Variants in SND1 observed in about 807,000 individuals in gnomAD.
SND1 encodes staphylococcal nuclease domain-containing protein 1.
Under a neutral mutation model 121.7 loss-of-function variants are expected in SND1, and 38 were observed. The observed-to-expected ratio is 0.31, with a 90% CI of 0.24 to 0.41. SND1 has a LOEUF of 0.41. Among genes scored for constraint, SND1 ranks in the 10% least tolerant of loss-of-function variants. The pLI, the probability that SND1 is intolerant of heterozygous loss-of-function variation, is 1.00. For synonymous variants in SND1, 401 were observed against 447.4 expected (o/e 0.90, Z 1.31); for missense variants, 868 against 1,184.6 (o/e 0.73, Z 3.92).
At chr7:128,086,852 C>T (rs994368688) in intron 20 of SND1, 86 bp from the exon 21 acceptor site, 7 of 1,129,052 alleles carry the variant, frequency 6.2e-6, no homozygotes, top group African/African-American at 6.1e-5. Context: ...TTAGCATTCC[C>T]AGAGGCCTGG....
intron 16 of SND1, among the ~76,000 whole-genome samples, chr7:128,035,737 A>G (rs944431511): frequency 2.0e-5 from 3 of 152,234 alleles, no homozygotes; most frequent in Non-Finnish European, 2.9e-5. Context: ...AGAGTCTTCA[A>G]TAGCACCAGT....
At chr7:127,705,627 ATGTAGATGTAGG>A (rs1796177325) in intron 8 of SND1, among the ~76,000 whole-genome samples, 1 of 131,460 alleles carries the variant, frequency 7.6e-6, no homozygotes, top group Non-Finnish European at 1.7e-5. Context: ...GTAGATGTAG[ATGTAGATGTAGG>A]TGAACTTTCT....
At chr7:127,797,163 G>C (rs758341124) in intron 10 of SND1, among the ~76,000 whole-genome samples, 11 of 152,208 alleles carry the variant, frequency 7.2e-5, no homozygotes, top group Non-Finnish European at 1.2e-4. Context: ...ACAGTGCTGG[G>C]ATTACAGGTG....
intron 16 of SND1, among the ~76,000 whole-genome samples, chr7:127,994,725 T>C (rs1469007687): frequency 1.3e-5 from 2 of 152,132 alleles, no homozygotes; most frequent in Admixed American, 1.3e-4. Context: ...GTTGTTTGAT[T>C]GTTTGAAACG....
intron 16 of SND1, among the ~76,000 whole-genome samples, chr7:128,016,741 G>C (rs1803233189): frequency 6.6e-6 from 1 of 152,162 alleles, no homozygotes; most frequent in South Asian, 2.1e-4. Flanking sequence ...CTTCCTAACT[G>C]CCCCTACCCT....
Position 128,091,982 on chromosome 7 carries a change from T to G in SND1, c.2668-11T>G. 6.2e-7 allele frequency: 1 copy of G among 1,614,196 alleles called. No individual in the cohort carries two copies. Among genetic ancestry groups the G allele is most frequent in the African/African-American group, 1.3e-5 (1 of 75,048 alleles). ...TATCCCTGAAGAGCTATTGTCTGTTTTTTCTTACAGCTGAACCTGTGGCGC... is the reference window on the plus strand; with the variant it reads ...TATCCCTGAAGAGCTATTGTCTGTTGTTTCTTACAGCTGAACCTGTGGCGC... On this transcript the variant is annotated splice_polypyrimidine_tract_variant and intron_variant, in intron 23 of 23. Transcript: ENST00000354725.
chr7:127,962,670 C>G (rs934210674), intron 15 of SND1, among the ~76,000 whole-genome samples: 99 of 152,178 alleles, frequency 6.5e-4, no homozygotes, highest in Non-Finnish European at 2.8e-4. Context: ...ATTCTCCATC[C>G]CCACTCTGCA....
chr7:127,778,333 C>T (rs1184327688), intron 10 of SND1, among the ~76,000 whole-genome samples: 2 of 151,940 alleles, frequency 1.3e-5, no homozygotes, highest in African/African-American at 2.4e-5. Context: ...TAGCTGGGAG[C>T]ACTACAGGCG....
At chr7:127,924,712 C>T (rs1358093440) in intron 14 of SND1, among the ~76,000 whole-genome samples, 3 of 152,106 alleles carry the variant, frequency 2.0e-5, no homozygotes, top group African/African-American at 7.2e-5. Flanking sequence ...CTCCCACCTA[C>T]CCACCCAAAT....
intron 10 of SND1, among the ~76,000 whole-genome samples, chr7:127,766,637 T>C (rs927748419): frequency 1.3e-5 from 2 of 151,486 alleles, no homozygotes; most frequent in Non-Finnish European, 2.9e-5. Flanking sequence ...TAGCCGGGCG[T>C]GGTGGCGGGC....
At chr7:128,072,724 G>A (rs1020856199) in intron 16 of SND1, among the ~76,000 whole-genome samples, 11 of 152,038 alleles carry the variant, frequency 7.2e-5, no homozygotes, top group Admixed American at 1.3e-4. Flanking sequence ...CCCATTCCTG[G>A]CCTCCCACTG....
chr7:127,668,265 A>T (rs990423252), intron 1 of SND1, among the ~76,000 whole-genome samples: 13 of 152,084 alleles, frequency 8.5e-5, no homozygotes, highest in African/African-American at 3.1e-4. Context: ...TCTGTTCCCC[A>T]CTCTAACTTC....
chr7:127,807,338 T>C (rs575917874), intron 10 of SND1, 146 bp from the exon 11 acceptor site: 5 of 611,992 alleles, frequency 8.2e-6, no homozygotes, highest in African/African-American at 7.4e-5. Context: ...CCAAATACTT[T>C]TAATCATTTA....
chr7:128,019,692 G>A (rs1803303414), intron 16 of SND1, among the ~76,000 whole-genome samples: 2 of 152,212 alleles, frequency 1.3e-5, no homozygotes, highest in African/African-American at 4.8e-5. Flanking sequence ...TGTTCTTTTA[G>A]AATGTTTCTA....
intron 10 of SND1, among the ~76,000 whole-genome samples, chr7:127,768,660 A>G (rs1173786099): frequency 6.6e-6 from 1 of 152,252 alleles, no homozygotes; most frequent in Non-Finnish European, 1.5e-5. Flanking sequence ...ATCTATAGCT[A>G]ATCAAATAGC....
At chr7:127,767,457 A>G (rs1797442643) in intron 10 of SND1, among the ~76,000 whole-genome samples, 1 of 152,164 alleles carries the variant, frequency 6.6e-6, no homozygotes, top group Non-Finnish European at 1.5e-5. Flanking sequence ...ATAAAATGCA[A>G]ATGTCTTTGA....
intron 14 of SND1, among the ~76,000 whole-genome samples, chr7:127,911,144 CTCTATT>C (rs1800444106): frequency 2.6e-5 from 4 of 152,266 alleles, no homozygotes; most frequent in Middle Eastern, 6.8e-3. Flanking sequence ...AAAGCTATTG[CTCTATT>C]TCTTTCTTCT....
At chr7:127,666,092 T>G (rs1795413866) in intron 1 of SND1, among the ~76,000 whole-genome samples, 1 of 152,212 alleles carries the variant, frequency 6.6e-6, no homozygotes, top group African/African-American at 2.4e-5. Context: ...GTTATCTTGT[T>G]AAGCTGTTCT....
At chr7:127,873,164 CT>C (rs1799629422) in intron 12 of SND1, among the ~76,000 whole-genome samples, 1 of 152,276 alleles carries the variant, frequency 6.6e-6, no homozygotes, top group Non-Finnish European at 1.5e-5. Flanking sequence ...CCAGTCTTCT[CT>C]TGCCTTTCTC....
Sources: gnomAD v4.1 joint callset for allele counts (sites outside exome capture counted in the v4.1 genomes callset) on GRCh38, gnomAD v4.1.1 for gene constraint, MANE v1.5 for transcripts, NCBI Gene and HGNC (gene_info 2026-07-23, HGNC 2026-07-21) for gene names.